RNF150: variants seen among roughly 807,000 people sequenced by gnomAD.
The protein encoded by RNF150 is ring finger protein 150.
A neutral mutation model predicts 39.3 loss-of-function variants in RNF150; 24 were observed. That is an observed-to-expected ratio of 0.61 (90% CI 0.44 to 0.86). The LOEUF is 0.86. RNF150 is among the 40% of genes least tolerant of loss of function. RNF150 has a pLI of 0.00. For missense variants in RNF150, 502 were observed against 587.8 expected (o/e 0.85, Z 1.51); for synonymous variants, 255 against 227.3 (o/e 1.12, Z -1.10).
intron 1 of RNF150, among the ~76,000 whole-genome samples, chr4:141,059,384 C>T (rs1737121733): frequency 1.3e-5 from 2 of 152,120 alleles, no homozygotes; most frequent in South Asian, 2.1e-4. Flanking sequence ...AAGTTGACTG[C>T]CTATAATCAG....
intron 4 of RNF150, among the ~76,000 whole-genome samples, chr4:140,938,850 A>C (rs893407862): frequency 4.6e-5 from 7 of 152,202 alleles, no homozygotes; most frequent in African/African-American, 7.2e-5. Flanking sequence ...TAGTACTTAA[A>C]GAGTCAATTA....
chr4:141,138,753 TC>T (rs892831085), intron 1 of RNF150, among the ~76,000 whole-genome samples: 8 of 152,264 alleles, frequency 5.3e-5, no homozygotes, highest in African/African-American at 1.9e-4. Context: ...CACAATCTTC[TC>T]TTCAAAGTGG....
chr4:141,209,522 T>A (rs1187141046), intron 1 of RNF150, among the ~76,000 whole-genome samples: 1 of 152,178 alleles, frequency 6.6e-6, no homozygotes, highest in Non-Finnish European at 1.5e-5. Flanking sequence ...CTAGAGTATG[T>A]GATTAGGTGT....
At chr4:141,071,348 A>G (rs2110950487) in intron 1 of RNF150, among the ~76,000 whole-genome samples, 1 of 152,048 alleles carries the variant, frequency 6.6e-6, no homozygotes, top group Admixed American at 6.6e-5. Flanking sequence ...TAACCTGCAC[A>G]ATGTGCACAT....
intron 1 of RNF150, among the ~76,000 whole-genome samples, chr4:141,003,252 C>G (rs73860214): frequency 0.076 from 11,524 of 152,062 alleles, 490 homozygotes; most frequent in Middle Eastern, 0.16. Context: ...ACAATGTGTG[C>G]TAGCTTTGCT....
intron 1 of RNF150, among the ~76,000 whole-genome samples, chr4:141,154,016 A>G (rs1269288665): frequency 6.6e-6 from 1 of 152,208 alleles, no homozygotes; most frequent in Admixed American, 6.6e-5. Context: ...TTTCATGTGT[A>G]AAACAGATAA....
At chr4:141,045,472 C>G (rs1266807111) in intron 1 of RNF150, among the ~76,000 whole-genome samples, 1 of 152,146 alleles carries the variant, frequency 6.6e-6, no homozygotes, top group Non-Finnish European at 1.5e-5. Flanking sequence ...GGTTTACTGA[C>G]TCTTTTAAAT....
intron 2 of RNF150, among the ~76,000 whole-genome samples, chr4:140,961,658 T>C (rs906729095): frequency 5.9e-5 from 9 of 152,144 alleles, no homozygotes; most frequent in Non-Finnish European, 1.0e-4. Context: ...TATATGTTAT[T>C]CCATCCATCA....
intron 1 of RNF150, among the ~76,000 whole-genome samples, chr4:141,161,588 G>T (rs1727513381): frequency 6.6e-6 from 1 of 152,204 alleles, no homozygotes; most frequent in Admixed American, 6.5e-5. Context: ...GCCCTCCAGG[G>T]AATTTTACAA....
chr4:141,148,895 C>A (rs929705098), intron 1 of RNF150, among the ~76,000 whole-genome samples: 1 of 152,208 alleles, frequency 6.6e-6, no homozygotes, highest in Non-Finnish European at 1.5e-5. Context: ...GGGGTTGATT[C>A]CATCAGCTGG....
chr4:140,958,824 A>G (rs1029599318), intron 2 of RNF150, among the ~76,000 whole-genome samples: 3 of 152,132 alleles, frequency 2.0e-5, no homozygotes, highest in East Asian at 1.9e-4. Flanking sequence ...GAGGAGAGAG[A>G]GGTCTGTCAT....
chr4:141,022,956 T>C (rs2110792564), intron 1 of RNF150, among the ~76,000 whole-genome samples: 1 of 152,314 alleles, frequency 6.6e-6, no homozygotes, highest in Non-Finnish European at 1.5e-5. Flanking sequence ...TTCTATTTTT[T>C]CAACTTATAC....
chr4:141,101,077 T>C (rs1220677185), intron 1 of RNF150, among the ~76,000 whole-genome samples: 3 of 152,202 alleles, frequency 2.0e-5, no homozygotes, highest in Non-Finnish European at 2.9e-5. Flanking sequence ...CTATACACTA[T>C]TGTAGGCTTT....
At chr4:141,113,811 C>A (rs890338581) in intron 1 of RNF150, among the ~76,000 whole-genome samples, 1 of 152,108 alleles carries the variant, frequency 6.6e-6, no homozygotes, top group Non-Finnish European at 1.5e-5. Flanking sequence ...GAAACCATAA[C>A]AAACTGTCTC....
At chr4:140,918,987 C>A (rs148458823) in intron 5 of RNF150, among the ~76,000 whole-genome samples, 3 of 151,976 alleles carry the variant, frequency 2.0e-5, no homozygotes, top group South Asian at 2.1e-4. Context: ...ATTCAACAAC[C>A]ATTCATGCTA....
At chr4:141,197,420 T>G (rs1419348994) in intron 1 of RNF150, among the ~76,000 whole-genome samples, 1 of 152,214 alleles carries the variant, frequency 6.6e-6, no homozygotes. Flanking sequence ...GTATTTATTT[T>G]AAAATTCTTA....
intron 1 of RNF150, among the ~76,000 whole-genome samples, chr4:141,096,605 A>G (rs1304431867): frequency 6.6e-6 from 1 of 152,186 alleles, no homozygotes; most frequent in Non-Finnish European, 1.5e-5. Context: ...TACAGCTTTC[A>G]TTTTGCTAAG....
At chr4:141,093,341 G>T (rs1227256970) in intron 1 of RNF150, among the ~76,000 whole-genome samples, 1 of 149,924 alleles carries the variant, frequency 6.7e-6, no homozygotes, top group African/African-American at 2.5e-5. Context: ...ACTCCAGCTG[G>T]GGCAACAGAG....
intron 1 of RNF150, among the ~76,000 whole-genome samples, chr4:141,151,940 T>C (rs2111142329): frequency 6.6e-6 from 1 of 152,320 alleles, no homozygotes; most frequent in Non-Finnish European, 1.5e-5. Context: ...TTGGAAAATA[T>C]TTAATTTTTG....
Sources: gnomAD v4.1 joint callset for allele counts (sites outside exome capture counted in the v4.1 genomes callset) on GRCh38, gnomAD v4.1.1 for gene constraint, MANE v1.5 for transcripts, NCBI Gene and HGNC (gene_info 2026-07-23, HGNC 2026-07-21) for gene names.